The following NFIB variants were observed in gnomAD, a reference collection of about 807,000 sequenced individuals.
NFIB encodes nuclear factor 1 B-type.
Under a neutral mutation model 61.5 loss-of-function variants are expected in NFIB, and 11 were observed. That is an observed-to-expected ratio of 0.18 (90% CI 0.11 to 0.30). The LOEUF (loss-of-function observed/expected upper bound fraction) is 0.30, where lower values mean the gene tolerates loss of function less well. NFIB is among the 10% of genes least tolerant of loss of function. The probability of loss-of-function intolerance (pLI) is 1.00; values close to 1 mark genes in which losing one functional copy is unlikely to be tolerated. For synonymous variants in NFIB, 260 were observed against 216.5 expected (o/e 1.20, Z -1.76); for missense variants, 471 against 608.9 (o/e 0.77, Z 2.38).
At chr9:14,248,031 C>G (rs2055135233) in intron 2 of NFIB, among the ~76,000 whole-genome samples, 1 of 151,154 alleles carries the variant, frequency 6.6e-6, no homozygotes, top group Non-Finnish European at 1.5e-5. Context: ...CTCCTGGACT[C>G]AAGCAATCCT....
chr9:14,184,227 C>A (rs2047104616), intron 2 of NFIB, among the ~76,000 whole-genome samples: 1 of 152,170 alleles, frequency 6.6e-6, no homozygotes, highest in Non-Finnish European at 1.5e-5. Context: ...ATATGGACAG[C>A]CTATTCAGAC....
intron 2 of NFIB, among the ~76,000 whole-genome samples, chr9:14,252,017 G>C (rs1174504529): frequency 6.6e-6 from 1 of 152,164 alleles, no homozygotes; most frequent in East Asian, 1.9e-4. Context: ...ACATCTATCA[G>C]GAGATTTTTC....
upstream of NFIB, among the ~76,000 whole-genome samples, chr9:14,316,784 G>C (rs1237092177): frequency 6.6e-6 from 1 of 152,160 alleles, no homozygotes; most frequent in Non-Finnish European, 1.5e-5. Context: ...AGGGGAGGGG[G>C]TGGGGAAGCT....
chr9:14,412,812 T>C, the NFIB span, among the ~76,000 whole-genome samples: 1 of 151,994 alleles, frequency 6.6e-6, no homozygotes, highest in Admixed American at 6.6e-5. Flanking sequence ...AGGGGTGGGG[T>C]ATGGAGCTTT....
chr9:14,450,871 G>T, the NFIB span, among the ~76,000 whole-genome samples: 1 of 152,172 alleles, frequency 6.6e-6, no homozygotes, highest in South Asian at 2.1e-4. Context: ...AAACATTGAA[G>T]AAAATAGCTA....
At chr9:14,110,293 A>C (rs904706611) in intron 10 of NFIB, among the ~76,000 whole-genome samples, 2 of 152,078 alleles carry the variant, frequency 1.3e-5, no homozygotes, top group Non-Finnish European at 2.9e-5. Flanking sequence ...TCAAAACTAC[A>C]CATCAGTACT....
intron 8 of NFIB, among the ~76,000 whole-genome samples, chr9:14,116,625 T>C (rs949633142): frequency 5.9e-5 from 9 of 152,216 alleles, no homozygotes; most frequent in South Asian, 2.1e-4. Context: ...TCCTTTCATG[T>C]AGTAGGCCAA....
chr9:14,404,279 C>T, the NFIB span, among the ~76,000 whole-genome samples: 1 of 152,048 alleles, frequency 6.6e-6, no homozygotes, highest in East Asian at 1.9e-4. Context: ...TATCTACCAC[C>T]CCGAGGATTC....
the NFIB span, among the ~76,000 whole-genome samples, chr9:14,485,006 GAGAA>G: frequency 2.0e-5 from 3 of 152,078 alleles, no homozygotes; most frequent in African/African-American, 7.3e-5. Context: ...CAGAGAGAGA[GAGAA>G]AGAGAGAGAG....
At chr9:14,200,513 C>T (rs79382258) in intron 2 of NFIB, among the ~76,000 whole-genome samples, 4,487 of 152,220 alleles carry the variant, frequency 0.029, 226 homozygotes, top group African/African-American at 0.099. Context: ...GTTTCAGCTC[C>T]AAAATTACTA....
At chr9:14,138,265 T>A (rs115039789) in intron 6 of NFIB, among the ~76,000 whole-genome samples, 1 of 152,154 alleles carries the variant, frequency 6.6e-6, no homozygotes, top group Non-Finnish European at 1.5e-5. Context: ...CAAATGGCAA[T>A]AGAATCTTGT....
At chr9:14,480,563 T>G in the NFIB span, among the ~76,000 whole-genome samples, 1 of 152,182 alleles carries the variant, frequency 6.6e-6, no homozygotes, top group Admixed American at 6.5e-5. Context: ...CCCAAAACCT[T>G]GTCTTGGGTT....
At chr9:14,495,445 A>ATTTTTTTTTTTTTTTTTTTTTTTTTTTT in the NFIB span, among the ~76,000 whole-genome samples, 1 of 98,094 alleles carries the variant, frequency 1.0e-5, no homozygotes, top group African/African-American at 5.4e-5. Flanking sequence ...AGAGAAATGA[A>ATTTTTTTTTTTTTTTTTTTTTTTTTTTT]CTTTTTTTTT....
At chr9:14,353,523 G>A (rs2132921304) in intron 1 of NFIB, among the ~76,000 whole-genome samples, 2 of 152,248 alleles carry the variant, frequency 1.3e-5, no homozygotes, top group East Asian at 3.9e-4. Context: ...TGGCTTTAAG[G>A]CGAATGAAGG....
chr9:14,138,570 G>A (rs1427327935), intron 6 of NFIB, among the ~76,000 whole-genome samples: 1 of 151,758 alleles, frequency 6.6e-6, no homozygotes. Flanking sequence ...AAAGTTCATT[G>A]TTCGAAATAT....
chr9:14,305,008 T>C, intron 2 of NFIB, among the ~76,000 whole-genome samples: 1 of 152,208 alleles, frequency 6.6e-6, no homozygotes, highest in East Asian at 1.9e-4. Flanking sequence ...TAATGAAAAG[T>C]TCTTACAATA....
chr9:14,127,312 T>C (rs1000765616), intron 6 of NFIB, among the ~76,000 whole-genome samples: 1 of 152,196 alleles, frequency 6.6e-6, no homozygotes, highest in African/African-American at 2.4e-5. Context: ...AGTAAAATGT[T>C]ATAAAAATGA....
At chr9:14,334,822 A>G (rs762883269) in intron 1 of NFIB, among the ~76,000 whole-genome samples, 3 of 152,208 alleles carry the variant, frequency 2.0e-5, no homozygotes, top group Non-Finnish European at 4.4e-5. Flanking sequence ...AAATGTTTAT[A>G]TGCCTCTTGG....
the NFIB span, among the ~76,000 whole-genome samples, chr9:14,525,156 G>C: frequency 2.6e-5 from 4 of 152,186 alleles, no homozygotes; most frequent in African/African-American, 9.7e-5. Context: ...TCTGGAGCGA[G>C]TGTCCTGGCC....
Sources: allele counts gnomAD v4.1 joint callset (sites outside exome capture counted in the v4.1 genomes callset), GRCh38; gene constraint gnomAD v4.1.1; transcripts MANE v1.5; gene names NCBI Gene and HGNC (gene_info 2026-07-23, HGNC 2026-07-21).